THRB: variants seen among roughly 807,000 people sequenced by gnomAD.
THRB encodes nuclear receptor subfamily 1 group A member 2.
In THRB, 12 loss-of-function variants were observed where a neutral mutation model predicts 47.8. The ratio of observed to expected loss-of-function variants is 0.25; its 90% CI spans 0.16 to 0.41. THRB has a LOEUF of 0.41. Among genes scored for constraint, THRB ranks in the 10% least tolerant of loss-of-function variants. The pLI is 1.00. For synonymous variants in THRB, 218 were observed against 212.2 expected (o/e 1.03, Z -0.24); for missense variants, 348 against 589.2 (o/e 0.59, Z 4.24).
At chr3:24,239,779 A>G (rs1435542800) in intron 3 of THRB, among the ~76,000 whole-genome samples, 4 of 152,152 alleles carry the variant, frequency 2.6e-5, no homozygotes, top group Non-Finnish European at 1.5e-5. Context: ...GCTTGAATGC[A>G]TGATCCTGCC....
chr3:24,335,987 C>A (rs180768304), intron 2 of THRB, among the ~76,000 whole-genome samples: 31 of 152,256 alleles, frequency 2.0e-4, no homozygotes, highest in African/African-American at 6.0e-4. Context: ...AACAGAACAG[C>A]TGTCCTTTTC....
chr3:24,197,577 C>T (rs898546972), intron 4 of THRB, among the ~76,000 whole-genome samples: 3 of 152,164 alleles, frequency 2.0e-5, no homozygotes, highest in Non-Finnish European at 2.9e-5. Flanking sequence ...CTCCACAGGT[C>T]TAAGCACAAT....
At chr3:24,290,075 T>C (rs990158877) in intron 3 of THRB, among the ~76,000 whole-genome samples, 7 of 152,226 alleles carry the variant, frequency 4.6e-5, no homozygotes, top group African/African-American at 1.4e-4. Flanking sequence ...GTGCTTTCCC[T>C]GTTTCCTCAG....
chr3:24,333,371 TG>T (rs1209384328), intron 2 of THRB, among the ~76,000 whole-genome samples: 6 of 152,204 alleles, frequency 3.9e-5, no homozygotes, highest in African/African-American at 7.2e-5. Flanking sequence ...TCAAGAACTT[TG>T]GCGCTAGCAG....
At chr3:24,235,563 C>A (rs1316058168) in intron 3 of THRB, among the ~76,000 whole-genome samples, 1 of 152,126 alleles carries the variant, frequency 6.6e-6, no homozygotes, top group Non-Finnish European at 1.5e-5. Flanking sequence ...TCTATTAATA[C>A]TTCAGCAGGT....
At chr3:24,222,528 G>C (rs983190136) in intron 4 of THRB, among the ~76,000 whole-genome samples, 1 of 152,110 alleles carries the variant, frequency 6.6e-6, no homozygotes, top group African/African-American at 2.4e-5. Context: ...GAGAGAGGGA[G>C]AAGAGGATGT....
intron 1 of THRB, among the ~76,000 whole-genome samples, chr3:24,352,171 G>A (rs150367600): frequency 6.6e-6 from 1 of 152,160 alleles, no homozygotes; most frequent in Non-Finnish European, 1.5e-5. Flanking sequence ...AGGCATGTGA[G>A]AATAAACCTT....
intron 3 of THRB, among the ~76,000 whole-genome samples, 189 bp from the exon 4 acceptor site, chr3:24,229,190 C>T (rs1043279509): frequency 3.8e-4 from 58 of 152,176 alleles, no homozygotes; most frequent in Non-Finnish European, 1.5e-4. Context: ...TCTTAATTTT[C>T]ATCTCAGGGT....
chr3:24,247,121 A>T (rs1169755963), intron 3 of THRB, among the ~76,000 whole-genome samples: 1 of 152,256 alleles, frequency 6.6e-6, no homozygotes, highest in Non-Finnish European at 1.5e-5. Flanking sequence ...AGAAATCTAC[A>T]ACAAATGTAA....
At chr3:24,302,205 T>A (rs1002559006) in intron 2 of THRB, among the ~76,000 whole-genome samples, 1 of 152,248 alleles carries the variant, frequency 6.6e-6, no homozygotes, top group Non-Finnish European at 1.5e-5. Context: ...CCGTTCTAGA[T>A]GTACCCTCCA....
chr3:24,421,082 G>A (rs2069216716), intron 1 of THRB, among the ~76,000 whole-genome samples: 1 of 151,912 alleles, frequency 6.6e-6, no homozygotes, highest in Non-Finnish European at 1.5e-5. Flanking sequence ...ATTATCCTTA[G>A]CAAACTAAGG....
chr3:24,383,550 A>G (rs1228259706), intron 1 of THRB, among the ~76,000 whole-genome samples: 1 of 152,174 alleles, frequency 6.6e-6, no homozygotes, highest in Non-Finnish European at 1.5e-5. Flanking sequence ...AATCAAGTAT[A>G]TCTTAAAAAT....
In THRB at chr3:24,336,078, G is replaced by C. The variant is rs138526765; in HGVS notation, c.-189+1222C>G. Among the ~76,000 whole-genome samples, 3 of 152,342 alleles carry C rather than the reference G, an allele frequency of 2.0e-5. No individual in the cohort carries two copies. The South Asian group carries it at 6.2e-4, about 32-fold the overall frequency. ...TATTTGTAAAGATGAAAAACACTTA[G>C]AGAACCATAGGTCTTGAAGATTCTT... On this transcript the variant is annotated intron_variant, in intron 2 of 10. Coordinates refer to ENST00000646209, the MANE Select transcript of THRB (RefSeq NM_001354712.2).
intron 8 of THRB, among the ~76,000 whole-genome samples, chr3:24,134,436 C>G (rs2034340575): frequency 6.6e-6 from 1 of 152,146 alleles, no homozygotes; most frequent in Non-Finnish European, 1.5e-5. Flanking sequence ...TTGTGGCCTA[C>G]AAGTGAGCCA....
At chr3:24,213,228 T>G (rs2046237680) in intron 4 of THRB, among the ~76,000 whole-genome samples, 1 of 152,218 alleles carries the variant, frequency 6.6e-6, no homozygotes, top group Non-Finnish European at 1.5e-5. Flanking sequence ...GTAGCCAGTT[T>G]AGGTTTTGTC....
At position 24,216,607 on chromosome 3, in the gene THRB, C is replaced by CA. The variant is rs202228592; in HGVS notation, c.22+12330dup. On this transcript the variant is annotated intron_variant, in intron 4 of 10. Transcript: ENST00000646209. ...TTGGTGACAGAGCGAGACTCCGCCT[C>CA]AAAAAAAAAAATATATGAATTGCTG... is the stretch of plus-strand genomic sequence containing the variant. Among the ~76,000 whole-genome samples, 166 of 145,378 alleles carry CA rather than the reference C, an allele frequency of 1.1e-3. 1 individual carries two copies. The highest frequency in any genetic ancestry group is 4.3e-3 in the Admixed American group (63 of 14,608).
intron 4 of THRB, among the ~76,000 whole-genome samples, chr3:24,215,471 G>A (rs1394364067): frequency 6.6e-6 from 1 of 152,104 alleles, no homozygotes; most frequent in African/African-American, 2.4e-5. Context: ...AGGAAAGGTG[G>A]GTAAAACAGA....
At chr3:24,342,717 A>G (rs1260077577) in intron 1 of THRB, among the ~76,000 whole-genome samples, 2 of 152,134 alleles carry the variant, frequency 1.3e-5, no homozygotes, top group Non-Finnish European at 2.9e-5. Flanking sequence ...GCAAGGTACC[A>G]TACAAGGTGT....
At chr3:24,347,803 T>C (rs886397520) in intron 1 of THRB, among the ~76,000 whole-genome samples, 2 of 152,042 alleles carry the variant, frequency 1.3e-5, no homozygotes, top group Non-Finnish European at 1.5e-5. Flanking sequence ...AATGGTACTA[T>C]ACTCATTAAA....
Sources: allele counts gnomAD v4.1 joint callset (sites outside exome capture counted in the v4.1 genomes callset), GRCh38; gene constraint gnomAD v4.1.1; transcripts MANE v1.5; gene names NCBI Gene and HGNC (gene_info 2026-07-23, HGNC 2026-07-21).